The following OTOF variants were observed in gnomAD, a reference collection of about 807,000 sequenced individuals.
The protein encoded by OTOF is fer-1-like family member 2.
A neutral mutation model predicts 236.8 loss-of-function variants in OTOF; 218 were observed. The ratio of observed to expected loss-of-function variants is 0.92; its 90% CI spans 0.82 to 1.03. The LOEUF (loss-of-function observed/expected upper bound fraction) is 1.03. OTOF is among the 50% of genes least tolerant of loss of function. The pLI is 0.00. For synonymous variants in OTOF, 1,041 were observed against 1,072.5 expected, an observed-to-expected ratio of 0.97 and a Z score of 0.57; for missense variants, 2,590 against 2,694.4, an observed-to-expected ratio of 0.96 and a Z score of 0.86.
Position 26,470,827 on chromosome 2 carries a change from A to G in OTOF, c.3895-106T>C. 6.5e-7 allele frequency: 1 copy of G among 1,546,836 alleles called. No individual in the cohort carries two copies. On this transcript the variant is annotated intron_variant, in intron 31 of 46. Transcript: ENST00000272371. This position sits in a 1 kb window ranked among gnomAD's most constrained non-coding sequence, Gnocchi z 4.3. ...CTGTCAGCAGGAAGCCTTGGGCTCC[A>G]TGAGGCTCTGTGGGGCCACCCATGT...
At chr2:26,539,462 G>A (rs376865674) in intron 1 of OTOF, among the ~76,000 whole-genome samples, 27 of 152,208 alleles carry the variant, frequency 1.8e-4, no homozygotes, top group East Asian at 1.9e-4. Flanking sequence ...CCCCCTGGGC[G>A]CAGTGGCTCA....
rs200435099 is a variant in OTOF at position 26,460,846 on chromosome 2, G to A, written c.5712+6C>T. ...GCCTACTGCCCGAGCAGGAAGGGGT[G>A]CGCACCGTGAGCTCAAACTCATCGT... On this transcript the variant is annotated splice_donor_region_variant and intron_variant, in intron 44 of 46. Transcript: ENST00000272371. This position sits in a 1 kb window ranked among gnomAD's most constrained non-coding sequence, Gnocchi z 5.3. 6.2e-6 allele frequency: 10 copies of A among 1,614,062 alleles called. No homozygotes were observed. The highest frequency in any genetic ancestry group is 8.5e-6 in the Non-Finnish European group (10 of 1,179,988).
intron 36 of OTOF, among the ~76,000 whole-genome samples, chr2:26,466,506 T>C (rs1248652941): frequency 1.3e-5 from 2 of 152,124 alleles, no homozygotes; most frequent in Admixed American, 6.5e-5. Context: ...CTGGCTAATT[T>C]TTGTATTTTT....
Position 26,470,232 on chromosome 2 carries a change from CCTCT to C in OTOF, c.4023+357_4023+360del. ...TGATTTGCCTTTGTTATCACATAGT[CCTCT>C]CTAAGTCTCTGTTTACATGTCCATT... is the stretch of plus-strand genomic sequence containing the variant. On this transcript the variant is annotated intron_variant, in intron 32 of 46. Transcript: ENST00000272371. The surrounding 1 kb of genome is among the most constrained non-coding windows in gnomAD (Gnocchi z 4.3). Among the ~76,000 whole-genome samples, 1 of 152,270 alleles carries C rather than the reference CCTCT, an allele frequency of 6.6e-6. No homozygotes were observed. Among genetic ancestry groups the C allele is most frequent in the South Asian group, 2.1e-4 (1 of 4,824 alleles).
rs149929912 is a variant in OTOF, at chr2:26,523,078, G to A, written c.228-3969C>T. Among the ~76,000 whole-genome samples the A allele has an allele frequency of 2.8e-3, 419 of 152,354 alleles. 1 individual carries two copies. The highest frequency in any genetic ancestry group is 8.4e-3 in the African/African-American group (350 of 41,582). ...ATTCATCACTTTCCCCTGGGAGCCC[G>A]TGTCAGGTGTCCTGGGCCCTGCGAG... On this transcript the variant is annotated intron_variant, in intron 3 of 46. Coordinates refer to ENST00000272371, the MANE Select transcript of OTOF (RefSeq NM_194248.3).
rs867139017 is a variant in OTOF at position 26,477,462 on chromosome 2, C to T, written c.2360G>A (p.Arg787His). The change falls in exon 20 of 47, where the codon CGC (arginine) becomes CAC (histidine). Residue 787 changes from arginine to histidine, a missense_variant. Physicochemically the swap from Arg to His is conservative, Grantham distance 29. Transcript: ENST00000272371. This position sits in a 1 kb window ranked among gnomAD's most constrained non-coding sequence, Gnocchi z 4.7. ...LADKDQGHSSRTRLDRERLKS... is the reference protein window; with the variant it reads ...LADKDQGHSSHTRLDRERLKS... The stretch of plus-strand genomic sequence containing the variant: ...GAGGCGCTCCCGGTCAAGCCTGGTG[C>T]GGGATGAGTGGCCCTGGTCCTTGTC... 1.2e-5 allele frequency: 19 copies of T among 1,602,764 alleles called. No homozygotes were observed. The highest frequency in any genetic ancestry group is 2.2e-5 in the East Asian group (1 of 44,518).
chr2:26,530,396 C>G lies in OTOF; in HGVS notation c.139-2476G>C, dbSNP rs962036294. 1.2e-4 allele frequency among the ~76,000 whole-genome samples: 18 copies of G among 152,102 alleles called. 1 individual carries two copies. Among genetic ancestry groups the G allele is most frequent in the African/African-American group, 4.3e-4 (18 of 41,406 alleles). ...TGCAGATGAGAATAATCAGGGGAAGCGTGTGTAGGTGTGTGGCTCAGGTGC... is the reference window on the plus strand; with the variant it reads ...TGCAGATGAGAATAATCAGGGGAAGGGTGTGTAGGTGTGTGGCTCAGGTGC... On this transcript the variant is annotated intron_variant, in intron 2 of 46. Coordinates refer to ENST00000272371, the MANE Select transcript of OTOF (RefSeq NM_194248.3).
At position 26,470,603 on chromosome 2, in the gene OTOF, G is replaced by T; in HGVS notation, c.4013C>A (p.Thr1338Asn). The T allele has an allele frequency of 1.2e-6, 2 of 1,614,096 alleles. No individual in the cohort carries two copies. Among genetic ancestry groups the T allele is most frequent in the Non-Finnish European group, 1.7e-6 (2 of 1,179,994 alleles). Reference protein sequence around the residue: ...WWSKYFASIDTMKEQLRQQEP... With the variant: ...WWSKYFASIDNMKEQLRQQEP... ...TACCCGAGGTCTCACCTCCTTCATG[G>T]TGTCAATGGAGGCAAAGTACTTGGA... Residue 1338 changes from threonine (T) to asparagine (N), a missense_variant, in exon 32 of 47, where the codon ACC becomes AAC. Transcript: ENST00000272371. This position sits in a 1 kb window ranked among gnomAD's most constrained non-coding sequence, Gnocchi z 4.3.
intron 5 of OTOF, among the ~76,000 whole-genome samples, chr2:26,505,790 C>T (rs746644046): frequency 4.6e-5 from 7 of 152,114 alleles, no homozygotes; most frequent in Admixed American, 1.3e-4. Context: ...GCTAAAAGGC[C>T]CCAGGGCTGG....
chr2:26,475,444 T>C lies in OTOF; in HGVS notation c.3041A>G (p.Asp1014Gly). 6.2e-7 allele frequency: 1 copy of C among 1,613,056 alleles called. No homozygotes were observed. The highest frequency in any genetic ancestry group is 8.5e-7 in the Non-Finnish European group (1 of 1,179,908). ...CPTWDQMLVF[D>G]NLELYGEAHE... is the part of the protein sequence containing the mutation. ...AGCTTCACCATAGAGCTCCAGGTTGTCGAACACCAGCATCTGGTCCCAGGT... is the reference window on the plus strand; with the variant it reads ...AGCTTCACCATAGAGCTCCAGGTTGCCGAACACCAGCATCTGGTCCCAGGT... Residue 1014 changes from aspartate to glycine, a missense_variant, in exon 25 of 47, where the codon GAC (aspartate) becomes GGC (glycine). Transcript: ENST00000272371.
At chr2:26,511,038 G>A (rs188126088) in intron 5 of OTOF, among the ~76,000 whole-genome samples, 9 of 152,354 alleles carry the variant, frequency 5.9e-5, no homozygotes, top group African/African-American at 1.2e-4. Flanking sequence ...TCAGCTCATC[G>A]CCCCTACCAG....
chr2:26,522,741 C>T lies in OTOF; in HGVS notation c.228-3632G>A, dbSNP rs78260954. Among the ~76,000 whole-genome samples, 1,337 of 152,324 alleles carry T rather than the reference C, an allele frequency of 8.8e-3. 9 individuals are homozygous for T. Among genetic ancestry groups the T allele is most frequent in the Non-Finnish European group, 0.014 (934 of 68,018 alleles). On this transcript the variant is annotated intron_variant, in intron 3 of 46. Coordinates refer to ENST00000272371, the MANE Select transcript of OTOF (RefSeq NM_194248.3). ...GGTGTCAGGAGGCCTGGGGTGAAGA[C>T]CTGACTGTCCTGAACCTGCTGTGTG...
In OTOF at chr2:26,477,620, C is replaced by T. The variant is rs765642295; in HGVS notation, c.2315+29G>A. On this transcript the variant is annotated intron_variant, in intron 19 of 46. Transcript: ENST00000272371. This position sits in a 1 kb window ranked among gnomAD's most constrained non-coding sequence, Gnocchi z 4.7. ...CCTTTGTCCAGTTCCGCCTCATCCTCCCCCCACCTGCCGCCCCTCCCTTCT... is the reference window on the plus strand; with the variant it reads ...CCTTTGTCCAGTTCCGCCTCATCCTTCCCCCACCTGCCGCCCCTCCCTTCT... 9 of 1,609,984 alleles carry T rather than the reference C, an allele frequency of 5.6e-6. No individual in the cohort carries two copies. Among genetic ancestry groups the T allele is most frequent in the South Asian group, 1.1e-5 (1 of 90,926 alleles).
In OTOF at chr2:26,473,165, G is replaced by A; in HGVS notation, c.3700C>T (p.Pro1234Ser). 6.2e-7 allele frequency: 1 copy of A among 1,612,908 alleles called. No individual in the cohort carries two copies. The highest frequency in any genetic ancestry group is 8.5e-7 in the Non-Finnish European group (1 of 1,179,952). ...SSLRRFIYRP[P>S]DRSAPSWNTT... is the part of the protein sequence containing the mutation. ...TTCCAGCTGGGGGCCGAGCGGTCTGGGGGCCGGTAGATGAAGCGTCGCAGG... is the reference window on the plus strand; with the variant it reads ...TTCCAGCTGGGGGCCGAGCGGTCTGAGGGCCGGTAGATGAAGCGTCGCAGG... The change falls in exon 29 of 47, where the codon CCA (proline) becomes TCA (serine). Residue 1234 changes from proline (P) to serine (S), a missense_variant. Coordinates refer to ENST00000272371, the MANE Select transcript of OTOF (RefSeq NM_194248.3). The surrounding 1 kb of genome is among the most constrained non-coding windows in gnomAD (Gnocchi z 7.2).
chr2:26,476,907 T>C lies in OTOF; in HGVS notation c.2660A>G (p.Lys887Arg), dbSNP rs752229160. ...CTCCAGCACCTTAAGGAAGAGCGTCTTGACCTTGGCGCAGTCCTTGCCAGT... is the reference window on the plus strand; with the variant it reads ...CTCCAGCACCTTAAGGAAGAGCGTCCTGACCTTGGCGCAGTCCTTGCCAGT... ...EETGKDCAKV[K>R]TLFLKLPGKR... Residue 887 changes from lysine to arginine, a missense_variant, in exon 22 of 47, where the codon AAG (lysine) becomes AGG (arginine). Around this residue, in one of 2 missense-constraint regions of OTOF, gnomAD observed 1,379 missense variants for 1,341.6 expected, o/e 1.03. Transcript: ENST00000272371. 1 of 1,610,336 alleles carries C rather than the reference T, an allele frequency of 6.2e-7. No homozygotes were observed.
rs76180450 is a variant in OTOF at position 26,558,535 on chromosome 2, G to A, written c.37C>T (p.Leu13=). 536 of 1,614,000 alleles carry A rather than the reference G, an allele frequency of 3.3e-4. 1 individual carries two copies. In the African/African-American group the frequency reaches 6.4e-3, roughly 19 times the overall value. Residue 13 remains leucine (L), a synonymous_variant, in exon 1 of 47, where the codon CTG becomes TTG. Transcript: ENST00000272371. ...LLIHLKTVSE[L]RGRGDRIAKV... ...GCGATCCGGTCGCCCCTGCCCCGCA[G>A]CTCCGAGACTGTCTTGAGGTGGATG...
Position 26,473,291 on chromosome 2 carries a change from G to C in OTOF, c.3574C>G (p.Leu1192Val). Residue 1192 changes from leucine (L) to valine (V), a missense_variant, in exon 29 of 47, where the codon CTC (leucine) becomes GTC (valine). By Grantham distance (32) the Leu-to-Val change is conservative. Around this residue, in one of 2 missense-constraint regions of OTOF, gnomAD observed 1,211 missense variants for 1,352.8 expected, o/e 0.90. Coordinates refer to ENST00000272371, the MANE Select transcript of OTOF (RefSeq NM_194248.3). This position sits in a 1 kb window ranked among gnomAD's most constrained non-coding sequence, Gnocchi z 7.2. Reference sequence around the variant, plus strand: ...GGGTGCAGCAGCTCGTTCTCTGGGAGGTCCTGGGGTGTTGGCGACAGGAGC... The same window carrying C: ...GGGTGCAGCAGCTCGTTCTCTGGGACGTCCTGGGGTGTTGGCGACAGGAGC... ...NTLVKWFEVD[L>V]PENELLHPPL... 1 of 1,613,034 alleles carries C rather than the reference G, an allele frequency of 6.2e-7. No individual in the cohort carries two copies. Among genetic ancestry groups the C allele is most frequent in the Non-Finnish European group, 8.5e-7 (1 of 1,179,632 alleles).
At chr2:26,502,982 C>G in intron 6 of OTOF, among the ~76,000 whole-genome samples, 1 of 152,236 alleles carries the variant, frequency 6.6e-6, no homozygotes, top group East Asian at 1.9e-4. Context: ...GGATTCCGAA[C>G]AGCCACCCAA....
rs371487098 is a variant in OTOF, at chr2:26,474,652, C to T, written c.3149G>A (p.Arg1050Gln). The change falls in exon 26 of 47, where the codon CGG (arginine) becomes CAG (glutamine). Residue 1050 changes from arginine (R) to glutamine (Q), a missense_variant. Coordinates refer to ENST00000272371, the MANE Select transcript of OTOF (RefSeq NM_194248.3). ...DSMGKADFMGRTFAKPLVKMA... is the reference protein window; with the variant it reads ...DSMGKADFMGQTFAKPLVKMA... The stretch of plus-strand genomic sequence containing the variant: ...CTTCACCAGGGGTTTGGCGAAGGTC[C>T]GGCCCATGAAGTCAGCTTTGCCCTG... 30 of 1,613,180 alleles carry T rather than the reference C, an allele frequency of 1.9e-5. No homozygotes were observed. The highest frequency in any genetic ancestry group is 5.3e-5 in the African/African-American group (4 of 74,912).
Sources: gnomAD v4.1 joint callset for allele counts (sites outside exome capture counted in the v4.1 genomes callset) on GRCh38, gnomAD v4.1.1 for gene constraint, gnomAD v4.1.1 regional missense constraint, Gnocchi (gnomAD v3.1) non-coding constraint, MANE v1.5 for transcripts, NCBI Gene and HGNC (gene_info 2026-07-23, HGNC 2026-07-21) for gene names.